Variants in B4GALT5 observed in about 807,000 individuals in gnomAD.
The protein encoded by B4GALT5 is UDP-Gal:beta-GlcNAc beta-1,4-galactosyltransferase 5.
In B4GALT5, 11 loss-of-function variants were observed where a neutral mutation model predicts 45.0. The observed-to-expected ratio is 0.24, with a 90% confidence interval of 0.15 to 0.40. The LOEUF (loss-of-function observed/expected upper bound fraction) is 0.40. B4GALT5 is among the 10% of genes least tolerant of loss of function. The pLI, the probability that B4GALT5 is intolerant of heterozygous loss-of-function variation, is 1.00. For synonymous variants in B4GALT5, 185 were observed against 182.9 expected (o/e 1.01, Z -0.09); for missense variants, 337 against 500.2 (o/e 0.67, Z 3.11).
At chr20:49,672,227 C>T (rs2085719004) in intron 1 of B4GALT5, among the ~76,000 whole-genome samples, 1 of 152,186 alleles carries the variant, frequency 6.6e-6, no homozygotes, top group African/African-American at 2.4e-5. Flanking sequence ...TTGTAACAGA[C>T]TAATGGGTTA....
intron 2 of B4GALT5, among the ~76,000 whole-genome samples, chr20:49,651,373 G>T (rs2085621851): frequency 6.6e-6 from 1 of 151,798 alleles, no homozygotes; most frequent in African/African-American, 2.4e-5. Flanking sequence ...TGGATCACCT[G>T]AGTTCAGGAG....
rs1284166032 is a variant in B4GALT5, at chr20:49,643,580, T to A, written c.435A>T (p.Pro145=). 3.7e-6 allele frequency: 6 copies of A among 1,613,992 alleles called. No homozygotes were observed. The highest frequency in any genetic ancestry group is 5.1e-6 in the Non-Finnish European group (6 of 1,179,962). ...DYIHELFSKD[P]TIKLGGHWKP... Reference sequence around the variant, plus strand: ...TCCAGTGACCTCCGAGCTTGATGGTTGGGTCTTTGGAGAAGAGTTCATGAA... The same window carrying A: ...TCCAGTGACCTCCGAGCTTGATGGTAGGGTCTTTGGAGAAGAGTTCATGAA... The change falls in exon 4 of 9, where the codon CCA becomes CCT. Residue 145 remains proline, a synonymous_variant. Coordinates refer to ENST00000371711, the MANE Select transcript of B4GALT5 (RefSeq NM_004776.4).
intron 1 of B4GALT5, among the ~76,000 whole-genome samples, chr20:49,684,408 A>G (rs1045550276): frequency 1.3e-5 from 2 of 152,078 alleles, no homozygotes; most frequent in African/African-American, 4.8e-5. Flanking sequence ...TAAAGACACA[A>G]AAAAATTAGC....
intron 1 of B4GALT5, among the ~76,000 whole-genome samples, chr20:49,695,019 T>G (rs140653346): frequency 6.6e-6 from 1 of 152,144 alleles, no homozygotes; most frequent in Non-Finnish European, 1.5e-5. Flanking sequence ...AACCACAGAT[T>G]TAGATTTTCA....
intron 1 of B4GALT5, among the ~76,000 whole-genome samples, chr20:49,661,005 G>A (rs946960698): frequency 2.6e-5 from 4 of 152,158 alleles, no homozygotes; most frequent in Non-Finnish European, 4.4e-5. Context: ...TTAGGCCATG[G>A]CTCTGGCCTA....
In B4GALT5 at chr20:49,705,908, A is replaced by G. The variant is rs140776188; in HGVS notation, c.115+7668T>C. On this transcript the variant is annotated intron_variant, in intron 1 of 8. Transcript: ENST00000371711. ...AAATAAGAATCATAAGGCCGGGTGCAGTGGCTCACACCTGTAATCCCAGCA... is the reference window on the plus strand; with the variant it reads ...AAATAAGAATCATAAGGCCGGGTGCGGTGGCTCACACCTGTAATCCCAGCA... 6.3e-4 allele frequency among the ~76,000 whole-genome samples: 96 copies of G among 152,058 alleles called. 1 individual carries two copies. The East Asian group carries it at 0.016, about 26-fold the overall frequency.
intron 1 of B4GALT5, among the ~76,000 whole-genome samples, chr20:49,689,261 C>T (rs917456229): frequency 2.6e-5 from 4 of 152,052 alleles, no homozygotes; most frequent in African/African-American, 7.2e-5. Flanking sequence ...AATATTTAGA[C>T]TCAATGAGAA....
chr20:49,680,211 T>A (rs1403438135), intron 1 of B4GALT5, among the ~76,000 whole-genome samples: 1 of 152,228 alleles, frequency 6.6e-6, no homozygotes, highest in East Asian at 1.9e-4. Flanking sequence ...GAGGGCTGCA[T>A]GGGCTGAAGA....
intron 3 of B4GALT5, among the ~76,000 whole-genome samples, chr20:49,645,514 T>G (rs2085595257): frequency 6.6e-6 from 1 of 152,172 alleles, no homozygotes; most frequent in African/African-American, 2.4e-5. Flanking sequence ...TTTGAGAGGC[T>G]GAGGTGGGCG....
intron 1 of B4GALT5, among the ~76,000 whole-genome samples, chr20:49,712,846 G>C (rs1356650390): frequency 1.5e-4 from 22 of 147,686 alleles, no homozygotes; most frequent in Non-Finnish European, 3.0e-4. Flanking sequence ...GTGGGGGGGG[G>C]GGAGATGGGG....
At chr20:49,677,053 C>T (rs540374417) in intron 1 of B4GALT5, among the ~76,000 whole-genome samples, 2 of 152,060 alleles carry the variant, frequency 1.3e-5, no homozygotes, top group South Asian at 4.1e-4. Context: ...TTTGTTTTTG[C>T]TGACTTCTTT....
chr20:49,700,452 C>A (rs1295438865), intron 1 of B4GALT5, among the ~76,000 whole-genome samples: 1 of 152,198 alleles, frequency 6.6e-6, no homozygotes, highest in Non-Finnish European at 1.5e-5. Flanking sequence ...TGTGCCACCA[C>A]ACCTGGCTAA....
rs1192739972 is a variant in B4GALT5, at chr20:49,677,751, T to C, written c.116-21049A>G. On this transcript the variant is annotated intron_variant, in intron 1 of 8. Coordinates refer to ENST00000371711, the MANE Select transcript of B4GALT5 (RefSeq NM_004776.4). ...GAAATATCTTTGATTGATTGATTGA[T>C]TGATTGATTTTTGGGATGGAGTCTC... Among the ~76,000 whole-genome samples, 5 of 152,308 alleles carry C rather than the reference T, an allele frequency of 3.3e-5. No individual in the cohort carries two copies. The South Asian group carries it at 6.2e-4, about 19-fold the overall frequency.
intron 1 of B4GALT5, among the ~76,000 whole-genome samples, chr20:49,701,102 G>A (rs1190204747): frequency 6.6e-6 from 1 of 152,206 alleles, no homozygotes; most frequent in Non-Finnish European, 1.5e-5. Context: ...TACACTGTCT[G>A]CTTTGTTCAT....
At chr20:49,661,801 C>T (rs1040367900) in intron 1 of B4GALT5, among the ~76,000 whole-genome samples, 4 of 152,028 alleles carry the variant, frequency 2.6e-5, no homozygotes, top group Non-Finnish European at 4.4e-5. Context: ...GTGGTAAATG[C>T]GACAACATTT....
chr20:49,707,958 G>A (rs1172750246), intron 1 of B4GALT5, among the ~76,000 whole-genome samples: 1 of 149,238 alleles, frequency 6.7e-6, no homozygotes, highest in Non-Finnish European at 1.5e-5. Context: ...GGCCGGGCAC[G>A]GTGGCTCACA....
At chr20:49,669,061 T>G (rs2146343370) in intron 1 of B4GALT5, among the ~76,000 whole-genome samples, 1 of 151,650 alleles carries the variant, frequency 6.6e-6, no homozygotes, top group Middle Eastern at 3.4e-3. Context: ...GAATCTCACT[T>G]TGTTGCCCAG....
chr20:49,677,456 T>A (rs1400220923), intron 1 of B4GALT5, among the ~76,000 whole-genome samples: 1 of 152,172 alleles, frequency 6.6e-6, no homozygotes, highest in Non-Finnish European at 1.5e-5. Flanking sequence ...ACTATTTTTA[T>A]CCCCTTTCAC....
At chr20:49,689,772 G>C (rs774172403) in intron 1 of B4GALT5, among the ~76,000 whole-genome samples, 2 of 152,164 alleles carry the variant, frequency 1.3e-5, no homozygotes, top group African/African-American at 4.8e-5. Context: ...GCACATACCT[G>C]TGTAATCTAA....
Sources: allele counts gnomAD v4.1 joint callset (sites outside exome capture counted in the v4.1 genomes callset), GRCh38; gene constraint gnomAD v4.1.1; transcripts MANE v1.5; gene names NCBI Gene and HGNC (gene_info 2026-07-23, HGNC 2026-07-21).